Variants in BCOR observed in about 807,000 individuals in gnomAD.
BCOR encodes the protein BCL6 corepressor.
In BCOR, 10 loss-of-function variants were observed where a neutral mutation model predicts 86.7. The observed-to-expected ratio is 0.12, with a 90% CI of 0.07 to 0.20. The LOEUF is 0.20. BCOR is among the 10% of genes least tolerant of loss of function. The probability of loss-of-function intolerance (pLI) is 1.00; values close to 1 mark genes in which losing one functional copy is unlikely to be tolerated. For synonymous variants in BCOR, 611 were observed against 609.0 expected, an observed-to-expected ratio of 1.00 and a Z score of -0.05; for missense variants, 1,259 against 1,452.1, an observed-to-expected ratio of 0.87 and a Z score of 2.16.
intron 1 of BCOR, among the ~76,000 whole-genome samples, chrX:40,125,240 T>A (rs1937525233): frequency 9.0e-6 from 1 of 110,629 alleles, no homozygotes; most frequent in South Asian, 3.9e-4. Flanking sequence ...TGGTTGATTA[T>A]GGGAGAAATT....
intron 1 of BCOR, among the ~76,000 whole-genome samples, chrX:40,116,732 A>C (rs775378652): frequency 1.8e-5 from 2 of 112,025 alleles, no homozygotes; most frequent in South Asian, 3.7e-4. Flanking sequence ...CAATTGCACA[A>C]GTTCATGCTA....
chrX:40,177,150 C>T (rs1214644964), exon 1 of BCOR: 1 of 110,816 alleles, frequency 9.0e-6, no homozygotes, highest in Non-Finnish European at 1.9e-5. Flanking sequence ...TCGAAAGAGC[C>T]ACTTCACGCT....
chrX:40,139,407 A>ATATG (rs1555935942), intron 1 of BCOR, among the ~76,000 whole-genome samples: 1 of 16,214 alleles, frequency 6.2e-5, no homozygotes, highest in Non-Finnish European at 8.6e-5. Context: ...ATATATATAT[A>ATATG]TATATATAAT....
intron 1 of BCOR, among the ~76,000 whole-genome samples, chrX:40,156,352 C>T (rs1938293362): frequency 9.1e-6 from 1 of 109,834 alleles, no homozygotes; most frequent in South Asian, 3.8e-4. Context: ...GGCTCTGGCC[C>T]GCGCGGCCGG....
intron 3 of BCOR, 122 bp from the exon 4 acceptor site, chrX:40,075,302 C>A: frequency 2.3e-6 from 1 of 442,803 alleles, no homozygotes; most frequent in African/African-American, 2.6e-5. Flanking sequence ...GGGTTAAAGA[C>A]AGGCTTCCGG....
chrX:40,169,418 A>T, intron 1 of BCOR, among the ~76,000 whole-genome samples: 1 of 112,031 alleles, frequency 8.9e-6, no homozygotes, highest in Non-Finnish European at 1.9e-5. Flanking sequence ...TAATTGTCGA[A>T]ATCGGCCAAC....
intron 1 of BCOR, among the ~76,000 whole-genome samples, chrX:40,154,298 G>A (rs1041038648): frequency 1.7e-4 from 18 of 102,874 alleles, no homozygotes; most frequent in African/African-American, 6.2e-4. Context: ...GTCTGCAGCT[G>A]ACAAATATTA....
intron 1 of BCOR, among the ~76,000 whole-genome samples, chrX:40,084,590 C>T (rs932590393): frequency 1.8e-5 from 2 of 111,443 alleles, no homozygotes; most frequent in African/African-American, 6.5e-5. Flanking sequence ...ATCTACACAA[C>T]CTGGGGGCAA....
intron 1 of BCOR, among the ~76,000 whole-genome samples, chrX:40,156,126 C>T (rs1223853132): frequency 8.8e-6 from 1 of 113,047 alleles, no homozygotes; most frequent in African/African-American, 3.2e-5. Flanking sequence ...GAAACCGTGG[C>T]TGGCAGGAAA....
Position 40,074,069 on chromosome X carries a change from AGAG to A in BCOR, c.1274_1276del (p.Pro425del), listed in dbSNP as rs1156969437. 8.3e-7 allele frequency: 1 copy of A among 1,210,545 alleles called. No homozygotes were observed. Among genetic ancestry groups the A allele is most frequent in the Non-Finnish European group, 1.1e-6 (1 of 895,326 alleles). ...TTTGGTAACGGTCTGCTTCTCCAAC[AGAG>A]GAGGTGAGCTGCCATCTTTTCTGTC... is the stretch of plus-strand genomic sequence containing the variant. On this transcript the variant is annotated inframe_deletion, in exon 4 of 15. Coordinates refer to ENST00000378444, the MANE Select transcript of BCOR (RefSeq NM_001123385.2).
chrX:40,139,465 ATAT>A (rs1188406956), intron 1 of BCOR, among the ~76,000 whole-genome samples: 1 of 3,151 alleles, frequency 3.2e-4, no homozygotes, highest in Non-Finnish European at 4.4e-4. Context: ...ACATATATAT[ATAT>A]ATATATATAT....
chrX:40,129,554 C>T (rs1937581670), intron 1 of BCOR, among the ~76,000 whole-genome samples: 1 of 109,697 alleles, frequency 9.1e-6, no homozygotes, highest in Non-Finnish European at 1.9e-5. Flanking sequence ...AGGGCTGGGG[C>T]CAGGCCAGGT....
rs2147207207 is a variant in BCOR at position 40,072,746 on chromosome X, T to C, written c.2600A>G (p.Glu867Gly). 8.3e-7 allele frequency: 1 copy of C among 1,211,694 alleles called. No individual in the cohort carries two copies. The highest frequency in any genetic ancestry group is 1.1e-6 in the Non-Finnish European group (1 of 895,519). ...GACTGGCTGTTTGAAAGTATAAGTT[T>C]CGTGGAAGTCACTGATGCGCCCCAA... is the stretch of plus-strand genomic sequence containing the variant. Reference protein sequence around the residue: ...EELGRISDFHETYTFKQPVFT... With the variant: ...EELGRISDFHGTYTFKQPVFT... The change falls in exon 4 of 15, where the codon GAA becomes GGA. Residue 867 changes from glutamate to glycine, a missense_variant. Glu to Gly is a moderately conservative substitution (Grantham distance 98). Around this residue, in one of 7 missense-constraint regions of BCOR, gnomAD observed 534 missense variants for 594.8 expected, o/e 0.90. Coordinates refer to ENST00000378444, the MANE Select transcript of BCOR (RefSeq NM_001123385.2).
chrX:40,098,323 C>T (rs980992511), upstream of BCOR, among the ~76,000 whole-genome samples: 1 of 109,754 alleles, frequency 9.1e-6, no homozygotes, highest in Non-Finnish European at 1.9e-5. Flanking sequence ...GGGTGGCGCC[C>T]CCCCTCCTCG....
At chrX:40,089,391 T>C (rs775969125) in intron 1 of BCOR, among the ~76,000 whole-genome samples, 7 of 111,586 alleles carry the variant, frequency 6.3e-5, no homozygotes, top group Admixed American at 1.9e-4. Context: ...ATTGTGCCAT[T>C]TGAAATCCTG....
chrX:40,065,107 T>A (rs1348195584), intron 6 of BCOR, among the ~76,000 whole-genome samples: 2 of 111,026 alleles, frequency 1.8e-5, no homozygotes, highest in Non-Finnish European at 3.8e-5. Flanking sequence ...ACCGGGGAGA[T>A]GAAAATGGAC....
At chrX:40,064,206 C>T (rs1935063922) in intron 7 of BCOR, 130 bp downstream of exon 7, 1 of 1,006,516 alleles carries the variant, frequency 9.9e-7, no homozygotes, top group Non-Finnish European at 1.4e-6. Context: ...ACTGCTGCGC[C>T]CCCACGGCTT....
At chrX:40,106,122 C>G (rs1164061924) in intron 1 of BCOR, among the ~76,000 whole-genome samples, 1 of 111,748 alleles carries the variant, frequency 8.9e-6, no homozygotes, top group Non-Finnish European at 1.9e-5. Flanking sequence ...GGACGCTCCC[C>G]GTCTCCTCCG....
chrX:40,053,889 T>C lies in BCOR; in HGVS notation c.4973A>G (p.Gln1658Arg), dbSNP rs759505174. 2 of 1,211,341 alleles carry C rather than the reference T, an allele frequency of 1.7e-6. No individual in the cohort carries two copies. The highest frequency in any genetic ancestry group is 4.4e-5 in the Admixed American group (2 of 45,977). Residue 1658 changes from glutamine to arginine, a missense_variant, in exon 14 of 15, where the codon CAG (glutamine) becomes CGG (arginine). By Grantham distance (43) the Gln-to-Arg change is conservative. Around this residue, in one of 7 missense-constraint regions of BCOR, gnomAD observed 137 missense variants for 149.8 expected, o/e 0.91. Transcript: ENST00000378444. ...PCYNIQVSVAQGPRNWLLLSD... is the reference protein window; with the variant it reads ...PCYNIQVSVARGPRNWLLLSD... ...ATCACATGACAGCCATGCTCACCCC[T>C]GAGCCACAGATACTTGGATGTTATA... is the stretch of plus-strand genomic sequence containing the variant.
Sources: gnomAD v4.1 joint callset for allele counts (sites outside exome capture counted in the v4.1 genomes callset) on GRCh38, gnomAD v4.1.1 for gene constraint, gnomAD v4.1.1 regional missense constraint, MANE v1.5 for transcripts, NCBI Gene and HGNC (gene_info 2026-07-23, HGNC 2026-07-21) for gene names.